CHD8: variants seen among roughly 807,000 people sequenced by gnomAD.
The protein encoded by CHD8 is chromodomain helicase DNA binding protein 8, also known as ATP-dependent chromatin remodeler CHD8.
A neutral mutation model predicts 279.2 loss-of-function variants in CHD8; 31 were observed. That is an observed-to-expected ratio of 0.11 (90% confidence interval 0.08 to 0.15). The LOEUF is 0.15. Ranked by LOEUF, CHD8 falls within the 10% of genes least tolerant of loss-of-function variation. The probability of loss-of-function intolerance (pLI) is 1.00; values close to 1 mark genes in which losing one functional copy is unlikely to be tolerated. For synonymous variants in CHD8, 1,081 were observed against 1,139.6 expected (o/e 0.95, Z 1.04); for missense variants, 2,146 against 3,230.5 (o/e 0.66, Z 8.14).
At chr14:21,389,297 C>T (rs1349108725) in intron 37 of CHD8, among the ~76,000 whole-genome samples, 1 of 133,532 alleles carries the variant, frequency 7.5e-6, no homozygotes, top group Non-Finnish European at 1.6e-5. Flanking sequence ...AAGACTCCGT[C>T]TCAGGAAAAA....
chr14:21,391,097 T>C (rs936709921), intron 36 of CHD8, 34 bp from the exon 37 acceptor site: 17 of 1,291,208 alleles, frequency 1.3e-5, no homozygotes, highest in African/African-American at 4.4e-5. Context: ...CCTAGAGGAA[T>C]AGAAATCTTC....
intron 28 of CHD8, 34 bp downstream of exon 28, chr14:21,395,783 A>C: frequency 7.9e-7 from 1 of 1,272,436 alleles, no homozygotes; most frequent in Non-Finnish European, 1.1e-6. Context: ...ATTTAGTAAT[A>C]GAGAAAAGTG....
intron 1 of CHD8, among the ~76,000 whole-genome samples, chr14:21,439,956 A>G (rs138236627): frequency 6.6e-6 from 1 of 152,342 alleles, no homozygotes; most frequent in East Asian, 1.9e-4. Flanking sequence ...TTACTTCAAT[A>G]TGTATTGAGT....
At position 21,430,581 on chromosome 14, in the gene CHD8, G is replaced by C. The variant is rs1889523404; in HGVS notation, c.843+220C>G. On this transcript the variant is annotated intron_variant, in intron 2 of 37. Transcript: ENST00000646647. Reference sequence around the variant, plus strand: ...TGTTTGCCTTATTTAGCACCAGCTAGGTACAATGTAAATGTGTAGTAAGAG... The same window carrying C: ...TGTTTGCCTTATTTAGCACCAGCTACGTACAATGTAAATGTGTAGTAAGAG... 1.2e-5 allele frequency: 6 copies of C among 520,946 alleles called. No individual in the cohort carries two copies. The South Asian group carries it at 1.5e-4, about 13-fold the overall frequency. 32.3% of individuals were successfully genotyped at this position (520,946 alleles called of 1,614,324 possible). A position where few individuals can be genotyped will look rare whatever the true frequency, so the allele number is the denominator to read the frequency against.
rs748531762 is a variant in CHD8, at chr14:21,393,139, C to A, written c.6435G>T (p.Leu2145=). The change falls in exon 33 of 38, where the codon CTG becomes CTT. Residue 2145 remains leucine (L), a synonymous_variant. Transcript: ENST00000646647. ...GEQMTPELLL[L]QERQRASEWP... ...ACTCAGAGGCTCTTTGTCTTTCCTG[C>A]AGTAGCAGAAGCTCAGGGGTCATTT... 8.7e-6 allele frequency: 14 copies of A among 1,613,812 alleles called. No homozygotes were observed. The highest frequency in any genetic ancestry group is 1.1e-5 in the Non-Finnish European group (13 of 1,179,890).
intron 5 of CHD8, among the ~76,000 whole-genome samples, chr14:21,423,047 C>T (rs906087347): frequency 1.3e-5 from 2 of 151,848 alleles, no homozygotes; most frequent in Non-Finnish European, 2.9e-5. Context: ...CATGGCGAAA[C>T]CCTGTCTACT....
intron 1 of CHD8, chr14:21,437,356 A>G: frequency 1.2e-6 from 1 of 850,516 alleles, no homozygotes; most frequent in Non-Finnish European, 1.5e-6. Flanking sequence ...AAACAGCGCA[A>G]AGGGTGGGAC....
chr14:21,387,638 CA>C (rs34278173), intron 37 of CHD8, among the ~76,000 whole-genome samples: 1,196 of 68,490 alleles, frequency 0.017, 12 homozygotes, highest in African/African-American at 0.059. Flanking sequence ...AACTCTGTAT[CA>C]AAAAAAAAAA....
chr14:21,415,100 T>C (rs1165182850), intron 7 of CHD8, 107 bp from the exon 8 acceptor site: 4 of 726,262 alleles, frequency 5.5e-6, no homozygotes, highest in East Asian at 5.4e-5. Flanking sequence ...TCTCTGAATA[T>C]ATTAATAACT....
At position 21,418,406 on chromosome 14, in the gene CHD8, G is replaced by A. The variant is rs1594363388; in HGVS notation, c.1717-2499C>T. On this transcript the variant is annotated intron_variant, in intron 5 of 37. Coordinates refer to ENST00000646647, the MANE Select transcript of CHD8 (RefSeq NM_001170629.2). ...ATGGTGGCGTGCACCTGTAATCCTA[G>A]CTACTAGGGAGGCTGAGGCATGAGG... is the stretch of plus-strand genomic sequence containing the variant. Among the ~76,000 whole-genome samples, 4 of 152,126 alleles carry A rather than the reference G, an allele frequency of 2.6e-5. No homozygotes were observed. The South Asian group carries it at 8.3e-4, about 31-fold the overall frequency.
chr14:21,412,699 C>A (rs1048409407), intron 10 of CHD8, among the ~76,000 whole-genome samples: 2 of 151,926 alleles, frequency 1.3e-5, no homozygotes, highest in African/African-American at 4.8e-5. Context: ...AGTACTTAGC[C>A]TCTACATGTC....
At position 21,402,263 on chromosome 14, in the gene CHD8, T is replaced by C; in HGVS notation, c.3882+73A>G. 1 of 1,559,454 alleles carries C rather than the reference T, an allele frequency of 6.4e-7. No individual in the cohort carries two copies. Among genetic ancestry groups the C allele is most frequent in the South Asian group, 1.1e-5 (1 of 89,414 alleles). ...TCCAAACAAGGTAGTCAAATCCCTG[T>C]GTACAAATAGCTTTTGTTTCCCTCT... On this transcript the variant is annotated intron_variant, in intron 19 of 37. Transcript: ENST00000646647. This position sits in a 1 kb window ranked among gnomAD's most constrained non-coding sequence, Gnocchi z 4.5.
chr14:21,390,709 C>T (rs1047125330), intron 37 of CHD8, among the ~76,000 whole-genome samples: 15 of 147,838 alleles, frequency 1.0e-4, no homozygotes, highest in African/African-American at 2.5e-4. Flanking sequence ...ACCCGGCGGG[C>T]GGAGGTTGCA....
At chr14:21,445,978 G>A (rs940866896) in intron 1 of CHD8, among the ~76,000 whole-genome samples, 1 of 151,088 alleles carries the variant, frequency 6.6e-6, no homozygotes, top group Non-Finnish European at 1.5e-5. Flanking sequence ...CCAGCCTGGC[G>A]ACAGAGCGAG....
chr14:21,399,020 CAAG>C, intron 26 of CHD8: 4 of 406,140 alleles, frequency 9.8e-6, no homozygotes, highest in South Asian at 8.6e-5. Context: ...AGATCCACGA[CAAG>C]GAGGGCATCC....
At chr14:21,415,070 G>T in intron 7 of CHD8, 77 bp from the exon 8 acceptor site, 1 of 903,150 alleles carries the variant, frequency 1.1e-6, no homozygotes. Context: ...ACCACACATT[G>T]CAGAACTTCA....
rs1380623502 is a variant in CHD8, at chr14:21,393,840, C to T, written c.5955G>A (p.Leu1985=). Residue 1985 remains leucine, a synonymous_variant, in exon 32 of 38, where the codon CTG becomes CTA. Transcript: ENST00000646647. Reference sequence around the variant, plus strand: ...CAGTGCGTGAGGTATACTGCTGGTGCAGCAGTGGAGTAGAGCAGCGTGACA... The same window carrying T: ...CAGTGCGTGAGGTATACTGCTGGTGTAGCAGTGGAGTAGAGCAGCGTGACA... ...PSLSRCSTPL[L]HQQYTSRTAS... 6.2e-7 allele frequency: 1 copy of T among 1,613,868 alleles called. No individual in the cohort carries two copies. The highest frequency in any genetic ancestry group is 8.5e-7 in the Non-Finnish European group (1 of 1,179,884).
rs765970153 is a variant in CHD8, at chr14:21,403,601, G to C, written c.3370C>G (p.His1124Asp). ...GCTGAACGAACCATGGCCTGCAGGT[G>C]AAAGTCATGAGGTATAATATGGCAA... ...EACHIIPHDF[H>D]LQAMVRSAGK... The change falls in exon 17 of 38, where the codon CAC (histidine) becomes GAC (aspartate). Residue 1124 changes from histidine to aspartate, a missense_variant. Physicochemically the swap from His to Asp is moderately conservative, Grantham distance 81. Transcript: ENST00000646647. This position sits in a 1 kb window ranked among gnomAD's most constrained non-coding sequence, Gnocchi z 4.3. The C allele has an allele frequency of 6.2e-7, 1 of 1,610,754 alleles. No individual in the cohort carries two copies. The highest frequency in any genetic ancestry group is 1.1e-5 in the South Asian group (1 of 90,358).
chr14:21,416,320 T>C (rs1408051635), intron 5 of CHD8: 1 of 156,014 alleles, frequency 6.4e-6, no homozygotes, highest in South Asian at 2.0e-4. Flanking sequence ...GAATCTACTG[T>C]ATGTACTATT....
Sources: gnomAD v4.1 joint callset for allele counts (sites outside exome capture counted in the v4.1 genomes callset) on GRCh38, gnomAD v4.1.1 for gene constraint, Gnocchi (gnomAD v3.1) non-coding constraint, MANE v1.5 for transcripts, NCBI Gene and HGNC (gene_info 2026-07-23, HGNC 2026-07-21) for gene names.